The following SPAST variants were observed in gnomAD, a reference collection of about 807,000 sequenced individuals.
SPAST encodes spastin.
A neutral mutation model predicts 76.6 loss-of-function variants in SPAST; 30 were observed. The ratio of observed to expected loss-of-function variants is 0.39; its 90% CI spans 0.29 to 0.53. SPAST has a LOEUF of 0.53. Among genes scored for constraint, SPAST ranks in the 20% least tolerant of loss-of-function variants. The probability of loss-of-function intolerance (pLI) is 0.68; values close to 1 mark genes in which losing one functional copy is unlikely to be tolerated. For synonymous variants in SPAST, 305 were observed against 281.0 expected (o/e 1.09, Z -0.86); for missense variants, 717 against 770.5 (o/e 0.93, Z 0.82).
intron 4 of SPAST, among the ~76,000 whole-genome samples, chr2:32,106,975 T>C (rs1678348609): frequency 1.3e-5 from 2 of 151,764 alleles, no homozygotes; most frequent in Admixed American, 6.5e-5. Flanking sequence ...CCAGTAATTC[T>C]ACTAGGATAA....
At chr2:32,120,138 G>T (rs1363996912) in intron 7 of SPAST, among the ~76,000 whole-genome samples, 1 of 151,614 alleles carries the variant, frequency 6.6e-6, no homozygotes, top group East Asian at 1.9e-4. Flanking sequence ...AAATTTCCAT[G>T]AATTTCCAAA....
chr2:32,141,349 A>C (rs1489990459), intron 12 of SPAST, among the ~76,000 whole-genome samples: 1 of 152,210 alleles, frequency 6.6e-6, no homozygotes, highest in East Asian at 1.9e-4. Flanking sequence ...CTGCAGAGCC[A>C]GGCTTCATAT....
intron 12 of SPAST, among the ~76,000 whole-genome samples, chr2:32,140,623 A>G (rs946013546): frequency 3.9e-5 from 6 of 151,912 alleles, no homozygotes; most frequent in African/African-American, 1.4e-4. Context: ...TCTCAAAAAA[A>G]AAAAGAAAAA....
At chr2:32,138,429 A>G (rs972062616) in intron 12 of SPAST, among the ~76,000 whole-genome samples, 1 of 151,842 alleles carries the variant, frequency 6.6e-6, no homozygotes, top group Non-Finnish European at 1.5e-5. Context: ...CATTTTTCTG[A>G]TGGTTAGTGA....
At chr2:32,145,926 G>A (rs1474202259) in intron 15 of SPAST, among the ~76,000 whole-genome samples, 1 of 152,182 alleles carries the variant, frequency 6.6e-6, no homozygotes, top group Admixed American at 6.5e-5. Flanking sequence ...GTAGTTGTAC[G>A]AGAAAGATGT....
intron 1 of SPAST, among the ~76,000 whole-genome samples, chr2:32,084,491 A>T (rs1390952879): frequency 6.6e-6 from 1 of 152,062 alleles, no homozygotes; most frequent in African/African-American, 2.4e-5. Context: ...CATATATCTT[A>T]AAGAAACTGC....
chr2:32,102,331 G>T (rs900465272), intron 4 of SPAST, among the ~76,000 whole-genome samples: 1 of 152,220 alleles, frequency 6.6e-6, no homozygotes, highest in African/African-American at 2.4e-5. Context: ...TGTATCCTGA[G>T]ACTTTGCTGA....
intron 4 of SPAST, among the ~76,000 whole-genome samples, chr2:32,100,864 T>G (rs1393842767): frequency 6.6e-6 from 1 of 152,248 alleles, no homozygotes; most frequent in Non-Finnish European, 1.5e-5. Context: ...CTATCATTGA[T>G]GGACATTTGC....
intron 4 of SPAST, among the ~76,000 whole-genome samples, chr2:32,100,135 A>G (rs947273422): frequency 3.3e-5 from 5 of 152,120 alleles, no homozygotes; most frequent in East Asian, 3.9e-4. Flanking sequence ...AAAGTAGCGT[A>G]TAAGAGTTCA....
chr2:32,131,671 C>CTTTT (rs541036416), intron 9 of SPAST, among the ~76,000 whole-genome samples: 26 of 107,992 alleles, frequency 2.4e-4, no homozygotes, highest in East Asian at 8.0e-4. Flanking sequence ...CAACCATTCT[C>CTTTT]TTTTTTTTTT....
chr2:32,066,993 CCAAA>C (rs1293716516), intron 1 of SPAST, among the ~76,000 whole-genome samples: 2,698 of 41,678 alleles, frequency 0.065, 84 homozygotes, highest in Middle Eastern at 0.11. Flanking sequence ...AAAAAAAAAA[CCAAA>C]AAAAAAAAAA....
In SPAST at chr2:32,064,101, G is replaced by A. The variant is rs989256352; in HGVS notation, c.270G>A (p.Lys90=). The A allele has an allele frequency of 3.0e-5, 48 of 1,607,752 alleles. No homozygotes were observed. Among genetic ancestry groups the A allele is most frequent in the Non-Finnish European group, 3.7e-5 (44 of 1,177,620 alleles). ...TCTCCCGCGCCCTCATGGCAGCCAA[G>A]AGGAGCTCCGGGGCCGCGCCAGCAC... ...QRFSRALMAA[K]RSSGAAPAPA... Residue 90 remains lysine (K), a synonymous_variant, in exon 1 of 17, where the codon AAG becomes AAA. Coordinates refer to ENST00000315285, the MANE Select transcript of SPAST (RefSeq NM_014946.4).
chr2:32,128,097 C>T (rs1007696809), intron 8 of SPAST: 3 of 339,472 alleles, frequency 8.8e-6, no homozygotes, highest in Non-Finnish European at 1.7e-5. Flanking sequence ...TGGGTTCAAG[C>T]AATTCTGCCA....
In SPAST at chr2:32,063,901, C is replaced by T; in HGVS notation, c.70C>T (p.Pro24Ser). 6.3e-7 allele frequency: 1 copy of T among 1,581,190 alleles called. No individual in the cohort carries two copies. Among genetic ancestry groups the T allele is most frequent in the Non-Finnish European group, 8.6e-7 (1 of 1,165,392 alleles). ...CGCCAGCAACCCGGTGCCTCCCAGG[C>T]CTCCGCCCCCTTGCCTGGCCCCCGC... is the stretch of plus-strand genomic sequence containing the variant. ...GGASNPVPPR[P>S]PPPCLAPAPP... Residue 24 changes from proline to serine, a missense_variant, in exon 1 of 17, where the codon CCT (proline) becomes TCT (serine). Physicochemically the swap from Pro to Ser is moderately conservative, Grantham distance 74 (BLOSUM62 -1). This residue lies in a region of SPAST where 543 missense variants were observed against 445.2 expected (regional missense o/e 1.22). Coordinates refer to ENST00000315285, the MANE Select transcript of SPAST (RefSeq NM_014946.4).
In SPAST at chr2:32,143,436, TTA is replaced by T. The variant is rs751688217; in HGVS notation, c.1616+23_1616+24del. ...GCTAGGTGAGTAATTTGGATTTGGTTTATCTTACAGCTTTTATTTATTTTTTG... is the reference window on the plus strand; with the variant it reads ...GCTAGGTGAGTAATTTGGATTTGGTTTCTTACAGCTTTTATTTATTTTTTG... On this transcript the variant is annotated intron_variant, in intron 14 of 16. Coordinates refer to ENST00000315285, the MANE Select transcript of SPAST (RefSeq NM_014946.4). 2.0e-5 allele frequency: 28 copies of T among 1,412,176 alleles called. 1 individual carries two copies. In the South Asian group the frequency reaches 2.8e-4, roughly 14 times the overall value. The allele number at this position is 1,412,176 out of a possible 1,614,324, so 87.5% of individuals were successfully genotyped here.
chr2:32,157,316 T>C lies in SPAST; in HGVS notation c.*2820T>C, dbSNP rs973566845. 9 of 152,612 alleles carry C rather than the reference T, an allele frequency of 5.9e-5. No homozygotes were observed. The highest frequency in any genetic ancestry group is 2.2e-4 in the African/African-American group (9 of 41,444). The allele number at this position is 152,612 out of a possible 1,614,324, so 9.5% of individuals were successfully genotyped here. On this transcript the variant is annotated 3_prime_UTR_variant, in exon 17 of 17. Coordinates refer to ENST00000315285, the MANE Select transcript of SPAST (RefSeq NM_014946.4). ...AAGACAGTCTGTCCATTGAGAATAT[T>C]AGATTTCTGACTTGCAAATATGTTT...
At chr2:32,132,903 G>A (rs1679418168) in intron 9 of SPAST, among the ~76,000 whole-genome samples, 1 of 152,094 alleles carries the variant, frequency 6.6e-6, no homozygotes, top group African/African-American at 2.4e-5. Context: ...AAGATGAGCT[G>A]GGCATTGTGG....
At chr2:32,085,888 A>G (rs1180045885) in intron 1 of SPAST, among the ~76,000 whole-genome samples, 2 of 151,926 alleles carry the variant, frequency 1.3e-5, no homozygotes, top group Non-Finnish European at 2.9e-5. Flanking sequence ...CTAAAAATAC[A>G]AAAATTAGCT....
rs60829143 is a variant in SPAST, at chr2:32,066,972, CAAAAA to C, written c.415+2742_415+2746del. ...CTGGGTGACAGGAGTAAAACTGTCT[CAAAAA>C]AAAAAAAAAAAAAAACCAAAAAAAA... is the stretch of plus-strand genomic sequence containing the variant. On this transcript the variant is annotated intron_variant, in intron 1 of 16. Transcript: ENST00000315285. 1.3e-3 allele frequency among the ~76,000 whole-genome samples: 104 copies of C among 77,598 alleles called. 2 individuals are homozygous for C. The highest frequency in any genetic ancestry group is 4.3e-3 in the Admixed American group (25 of 5,800). 50.9% of individuals were successfully genotyped at this position (77,598 alleles called of 152,430 possible). A position where few individuals can be genotyped will look rare whatever the true frequency, so the allele number is the denominator to read the frequency against.
Sources: gnomAD v4.1 joint callset for allele counts (sites outside exome capture counted in the v4.1 genomes callset) on GRCh38, gnomAD v4.1.1 for gene constraint, gnomAD v4.1.1 regional missense constraint, MANE v1.5 for transcripts, NCBI Gene and HGNC (gene_info 2026-07-23, HGNC 2026-07-21) for gene names.